CRADD: variants seen among roughly 807,000 people sequenced by gnomAD.
CRADD encodes CARD and death domain containing adaptor protein.
Under a neutral mutation model 15.5 loss-of-function variants are expected in CRADD, and 9 were observed. That is an observed-to-expected ratio of 0.58 (90% CI 0.35 to 1.01). CRADD has a LOEUF of 1.01. CRADD is among the 50% of genes least tolerant of loss of function. The pLI is 0.02. For missense variants in CRADD, 227 were observed against 250.3 expected (o/e 0.91, Z 0.63); for synonymous variants, 118 against 107.6 (o/e 1.10, Z -0.60).
intron 2 of CRADD, among the ~76,000 whole-genome samples, chr12:93,876,878 G>A (rs1958460952): frequency 6.6e-6 from 1 of 152,132 alleles, no homozygotes; most frequent in Admixed American, 6.6e-5. Flanking sequence ...GGTGTTGATA[G>A]ATGTTCTTTA....
intron 2 of CRADD, among the ~76,000 whole-genome samples, chr12:93,805,859 A>G (rs1957531381): frequency 6.6e-6 from 1 of 152,100 alleles, no homozygotes; most frequent in African/African-American, 2.4e-5. Context: ...GGCATTGATT[A>G]TCATAATGCG....
In CRADD at chr12:93,824,861, C is replaced by T. The variant is rs188618079; in HGVS notation, c.299-25109C>T. ...ACAGAGTGAAGCATGCAGAGGGAGGCGGAGTGAATTACAGCTGTCTCTTTG... is the reference window on the plus strand; with the variant it reads ...ACAGAGTGAAGCATGCAGAGGGAGGTGGAGTGAATTACAGCTGTCTCTTTG... On this transcript the variant is annotated intron_variant, in intron 2 of 2. Transcript: ENST00000332896. This position sits in a 1 kb window ranked among gnomAD's most constrained non-coding sequence, Gnocchi z 4.3. Among the ~76,000 whole-genome samples the T allele has an allele frequency of 3.1e-4, 47 of 152,232 alleles. No homozygotes were observed. In the East Asian group the frequency reaches 8.7e-3, roughly 28 times the overall value.
intron 2 of CRADD, among the ~76,000 whole-genome samples, chr12:93,828,331 T>G (rs1174299143): frequency 6.6e-6 from 1 of 152,360 alleles, no homozygotes; most frequent in Non-Finnish European, 1.5e-5. Flanking sequence ...GCTTATCAAT[T>G]TATTCTTTTA....
At chr12:93,817,968 A>G (rs1207857781) in intron 2 of CRADD, among the ~76,000 whole-genome samples, 1 of 152,186 alleles carries the variant, frequency 6.6e-6, no homozygotes, top group Non-Finnish European at 1.5e-5. Flanking sequence ...TGCCTTGTGG[A>G]TGGGCAGGGC....
chr12:93,802,434 C>T lies in CRADD; in HGVS notation c.299-47536C>T, dbSNP rs539689461. On this transcript the variant is annotated intron_variant, in intron 2 of 2. Transcript: ENST00000332896. ...AGCTTGATCTCATGTCAGCCATCAT[C>T]ATATCAGTGTGAAAACAGACTAGAA... 3.9e-5 allele frequency among the ~76,000 whole-genome samples: 6 copies of T among 152,308 alleles called. No homozygotes were observed. In the East Asian group the frequency reaches 9.6e-4, roughly 24 times the overall value.
intron 2 of CRADD, among the ~76,000 whole-genome samples, chr12:93,863,597 TG>T (rs1488338119): frequency 0.012 from 110 of 8,820 alleles, no homozygotes; most frequent in East Asian, 0.061. Context: ...TGGAGGCATT[TG>T]TGTGTGTGTG....
intron 2 of CRADD, among the ~76,000 whole-genome samples, chr12:93,891,099 G>T (rs1409358654): frequency 6.6e-6 from 1 of 152,058 alleles, no homozygotes; most frequent in African/African-American, 2.4e-5. Context: ...TCTGTAAAAT[G>T]TATAAAACCA....
chr12:93,743,336 T>C lies in CRADD; in HGVS notation c.298+64264T>C, dbSNP rs564473798. Among the ~76,000 whole-genome samples, 186 of 152,194 alleles carry C rather than the reference T, an allele frequency of 1.2e-3. 1 individual carries two copies. Among genetic ancestry groups the C allele is most frequent in the African/African-American group, 4.3e-3 (177 of 41,502 alleles). On this transcript the variant is annotated intron_variant, in intron 2 of 2. Coordinates refer to ENST00000332896, the MANE Select transcript of CRADD (RefSeq NM_003805.5). ...GTAATTACTAGGATGCTATTTCTTTTTGTTTGTTTGTTTGAGACAGGGTCT... is the reference window on the plus strand; with the variant it reads ...GTAATTACTAGGATGCTATTTCTTTCTGTTTGTTTGTTTGAGACAGGGTCT...
chr12:93,867,560 C>A (rs1055116205), intron 2 of CRADD, among the ~76,000 whole-genome samples: 3 of 151,784 alleles, frequency 2.0e-5, no homozygotes, highest in African/African-American at 7.3e-5. Flanking sequence ...TTCTTACTGA[C>A]AAAATACTTT....
At chr12:93,747,354 GGGGCATGAGACA>G (rs1956768756) in intron 2 of CRADD, among the ~76,000 whole-genome samples, 1 of 152,152 alleles carries the variant, frequency 6.6e-6, no homozygotes, top group Non-Finnish European at 1.5e-5. Flanking sequence ...GAACTGGGGA[GGGGCATGAGACA>G]GGGAGACGGG....
chr12:93,826,803 G>C (rs548098995), intron 2 of CRADD: 1 of 152,196 alleles, frequency 6.6e-6, no homozygotes, highest in Admixed American at 6.5e-5. Context: ...AGACCTCAGC[G>C]AGCTCACTGT....
intron 2 of CRADD, among the ~76,000 whole-genome samples, chr12:93,871,350 G>A (rs1407787777): frequency 6.6e-6 from 1 of 152,022 alleles, no homozygotes; most frequent in African/African-American, 2.4e-5. Flanking sequence ...AGTAGGTATA[G>A]GTATATAGGT....
intron 2 of CRADD, among the ~76,000 whole-genome samples, chr12:93,756,161 A>C (rs1473289271): frequency 2.6e-5 from 4 of 152,212 alleles, no homozygotes; most frequent in Non-Finnish European, 5.9e-5. Context: ...ATTTATGTTC[A>C]TTACTTACTG....
At chr12:93,892,994 G>A (rs1958587399) in intron 2 of CRADD, among the ~76,000 whole-genome samples, 1 of 152,176 alleles carries the variant, frequency 6.6e-6, no homozygotes, top group Non-Finnish European at 1.5e-5. Context: ...GTAAAGAAGG[G>A]CTGCAGCCGC....
intron 2 of CRADD, chr12:93,735,700 A>G (rs573420243): frequency 1.3e-5 from 2 of 152,322 alleles, no homozygotes; most frequent in African/African-American, 4.8e-5. Flanking sequence ...CAAGAGTTTG[A>G]GCCCAGCCTG....
At chr12:93,720,719 T>C (rs910505687) in intron 2 of CRADD, among the ~76,000 whole-genome samples, 2 of 152,226 alleles carry the variant, frequency 1.3e-5, no homozygotes, top group Non-Finnish European at 2.9e-5. Context: ...TGTCTGAAAT[T>C]ACTGTAGCTA....
chr12:93,823,627 T>C (rs1197446087), intron 2 of CRADD, among the ~76,000 whole-genome samples: 2 of 152,246 alleles, frequency 1.3e-5, no homozygotes, highest in Non-Finnish European at 2.9e-5. Flanking sequence ...TTCAGGCATT[T>C]ATTTACTTGA....
At chr12:93,817,602 A>G (rs7305941) in intron 2 of CRADD, among the ~76,000 whole-genome samples, 1 of 151,558 alleles carries the variant, frequency 6.6e-6, no homozygotes, top group Non-Finnish European at 1.5e-5. Flanking sequence ...CCTCTTCTTC[A>G]TGACATATTT....
At chr12:93,849,626 A>G (rs1159388425) in intron 2 of CRADD, among the ~76,000 whole-genome samples, 1 of 151,910 alleles carries the variant, frequency 6.6e-6, no homozygotes, top group East Asian at 1.9e-4. Flanking sequence ...CTGTAATCCC[A>G]GCTACTTGGG....
Sources: allele counts gnomAD v4.1 joint callset (sites outside exome capture counted in the v4.1 genomes callset), GRCh38; gene constraint gnomAD v4.1.1; non-coding constraint Gnocchi (gnomAD v3.1); transcripts MANE v1.5; gene names NCBI Gene and HGNC (gene_info 2026-07-23, HGNC 2026-07-21).